The following PTPRD variants were observed in gnomAD, a reference collection of about 807,000 sequenced individuals.
PTPRD encodes receptor-type tyrosine-protein phosphatase delta.
In PTPRD, 34 loss-of-function variants were observed where a neutral mutation model predicts 214.5. The ratio of observed to expected loss-of-function variants is 0.16; its 90% CI spans 0.12 to 0.21. PTPRD has a LOEUF of 0.21. PTPRD is among the 10% of genes least tolerant of loss of function. The pLI is 1.00. For missense variants in PTPRD, 2,545 were observed against 2,398.7 expected, an observed-to-expected ratio of 1.06 and a Z score of -1.27; for synonymous variants, 1,128 against 845.7, an observed-to-expected ratio of 1.33 and a Z score of -5.79.
intron 7 of PTPRD, among the ~76,000 whole-genome samples, chr9:9,689,933 G>T (rs564325107): frequency 1.7e-3 from 261 of 151,966 alleles, no homozygotes; most frequent in Non-Finnish European, 3.2e-3. Flanking sequence ...TGTGAATAGT[G>T]CTGCAATAAA....
At chr9:9,733,158 C>A (rs1386047641) in intron 7 of PTPRD, among the ~76,000 whole-genome samples, 1 of 152,144 alleles carries the variant, frequency 6.6e-6, no homozygotes, top group African/African-American at 2.4e-5. Context: ...AAAGTTATGA[C>A]AGAACATTTT....
chr9:10,206,872 A>G (rs2099485354), intron 3 of PTPRD, among the ~76,000 whole-genome samples: 1 of 152,166 alleles, frequency 6.6e-6, no homozygotes, highest in African/African-American at 2.4e-5. Flanking sequence ...CTCAGACTAG[A>G]AACCAAGAAA....
intron 12 of PTPRD, among the ~76,000 whole-genome samples, chr9:8,703,034 A>G (rs1440095354): frequency 6.6e-6 from 1 of 152,236 alleles, no homozygotes; most frequent in Non-Finnish European, 1.5e-5. Context: ...ATTTCCAATT[A>G]CATAAAGAAT....
chr9:8,923,451 A>T (rs1375016233), intron 11 of PTPRD, among the ~76,000 whole-genome samples: 1 of 151,478 alleles, frequency 6.6e-6, no homozygotes, highest in Non-Finnish European at 1.5e-5. Flanking sequence ...ACCACACTCC[A>T]CTCCTGTGGC....
intron 6 of PTPRD, among the ~76,000 whole-genome samples, chr9:9,741,360 T>C (rs1202401257): frequency 4.4e-5 from 2 of 45,732 alleles, no homozygotes; most frequent in Non-Finnish European, 7.8e-5. Context: ...AAAAATAGAA[T>C]TTTTTTTACA....
chr9:10,166,424 A>C (rs1017276326), intron 3 of PTPRD, among the ~76,000 whole-genome samples: 1 of 151,848 alleles, frequency 6.6e-6, no homozygotes, highest in Non-Finnish European at 1.5e-5. Flanking sequence ...ATATTCAAAA[A>C]GAAGCTTTGG....
intron 4 of PTPRD, among the ~76,000 whole-genome samples, chr9:9,961,922 T>C (rs7874981): frequency 0.017 from 2,639 of 152,256 alleles, 70 homozygotes; most frequent in African/African-American, 0.06. Context: ...ATGATGAATA[T>C]GCTAATTACC....
At chr9:9,657,314 A>G (rs943133957) in intron 7 of PTPRD, among the ~76,000 whole-genome samples, 2 of 152,206 alleles carry the variant, frequency 1.3e-5, no homozygotes, top group Non-Finnish European at 2.9e-5. Flanking sequence ...GACATGGATG[A>G]AACTGGAAAC....
At chr9:9,688,279 T>C (rs2097200734) in intron 7 of PTPRD, among the ~76,000 whole-genome samples, 1 of 151,878 alleles carries the variant, frequency 6.6e-6, no homozygotes, top group Non-Finnish European at 1.5e-5. Flanking sequence ...CAAAAACTAA[T>C]CCAACTAAAT....
chr9:9,538,514 A>C (rs903620179), intron 8 of PTPRD, among the ~76,000 whole-genome samples: 1 of 152,046 alleles, frequency 6.6e-6, no homozygotes, highest in East Asian at 1.9e-4. Flanking sequence ...GGCATGAGTC[A>C]GTCTGCCATC....
intron 9 of PTPRD, among the ~76,000 whole-genome samples, chr9:9,283,242 T>G (rs1241716762): frequency 2.0e-5 from 3 of 151,490 alleles, no homozygotes; most frequent in Non-Finnish European, 4.4e-5. Context: ...GTTATGCTAA[T>G]TTTACTTCCA....
In PTPRD at chr9:10,235,793, T is replaced by G. The variant is rs369721242; in HGVS notation, c.-545+105170A>C. ...TATCTAATGAGCGATTAAAATGAAA[T>G]TTTAAAATGAAAATGACCTACAATA... On this transcript the variant is annotated intron_variant, in intron 3 of 45. Coordinates refer to ENST00000381196, the MANE Select transcript of PTPRD (RefSeq NM_002839.4). 2.0e-5 allele frequency among the ~76,000 whole-genome samples: 3 copies of G among 152,024 alleles called. No homozygotes were observed. In the East Asian group the frequency reaches 5.8e-4, roughly 30 times the overall value.
chr9:9,962,385 T>G (rs991302897), intron 4 of PTPRD, among the ~76,000 whole-genome samples: 1 of 152,096 alleles, frequency 6.6e-6, no homozygotes, highest in Non-Finnish European at 1.5e-5. Context: ...ACAAACAATT[T>G]GATTTCCTAT....
At chr9:10,272,099 CT>C (rs1407223162) in intron 3 of PTPRD, among the ~76,000 whole-genome samples, 9 of 152,134 alleles carry the variant, frequency 5.9e-5, no homozygotes, top group African/African-American at 1.4e-4. Context: ...TCATTTCCCC[CT>C]AATCCCTTCC....
At chr9:8,491,456 A>G (rs1189134716) in intron 27 of PTPRD, among the ~76,000 whole-genome samples, 6 of 152,176 alleles carry the variant, frequency 3.9e-5, no homozygotes, top group Non-Finnish European at 5.9e-5. Flanking sequence ...GGTGCTTCAT[A>G]TAAAACATTT....
chr9:10,410,071 T>C (rs551727677), intron 2 of PTPRD, among the ~76,000 whole-genome samples: 84 of 151,638 alleles, frequency 5.5e-4, no homozygotes, highest in African/African-American at 1.9e-3. Context: ...GGAATAATTA[T>C]ATAGCAATAG....
At chr9:10,426,730 A>G (rs1006608133) in intron 2 of PTPRD, among the ~76,000 whole-genome samples, 8 of 152,080 alleles carry the variant, frequency 5.3e-5, no homozygotes, top group African/African-American at 1.9e-4. Context: ...AGTGGACTAT[A>G]GTTTTTTTGC....
At chr9:10,016,466 A>T (rs1301842294) in intron 4 of PTPRD, among the ~76,000 whole-genome samples, 1 of 152,140 alleles carries the variant, frequency 6.6e-6, no homozygotes, top group Non-Finnish European at 1.5e-5. Context: ...TGGTGTCTGT[A>T]AATCATCAAA....
intron 9 of PTPRD, among the ~76,000 whole-genome samples, chr9:9,254,418 T>C (rs1391529135): frequency 6.6e-6 from 1 of 152,096 alleles, no homozygotes; most frequent in African/African-American, 2.4e-5. Context: ...AAATTTTTAT[T>C]GTTTTTCGTT....
Sources: allele counts gnomAD v4.1 joint callset (sites outside exome capture counted in the v4.1 genomes callset), GRCh38; gene constraint gnomAD v4.1.1; transcripts MANE v1.5; gene names NCBI Gene and HGNC (gene_info 2026-07-23, HGNC 2026-07-21).